Variants in VWA3B observed in about 807,000 individuals in gnomAD.
The protein encoded by VWA3B is von Willebrand factor A domain containing 3B.
VWA3B carries 138 observed loss-of-function variants against 158.3 expected under a neutral mutation model. The ratio of observed to expected loss-of-function variants is 0.87; its 90% confidence interval spans 0.76 to 1.00. The LOEUF is 1.00. VWA3B is among the 50% of genes least tolerant of loss of function. VWA3B has a pLI of 0.00. For synonymous variants in VWA3B, 596 were observed against 587.3 expected, an observed-to-expected ratio of 1.01 and a Z score of -0.21; for missense variants, 1,555 against 1,565.1, an observed-to-expected ratio of 0.99 and a Z score of 0.11.
At chr2:98,169,894 A>C (rs776833004) in intron 8 of VWA3B, among the ~76,000 whole-genome samples, 3 of 152,084 alleles carry the variant, frequency 2.0e-5, no homozygotes, top group Non-Finnish European at 2.9e-5. Context: ...TGAGGTAGGC[A>C]GATCACTTCA....
intron 9 of VWA3B, among the ~76,000 whole-genome samples, chr2:98,185,074 C>T (rs1680902040): frequency 6.6e-6 from 1 of 152,208 alleles, no homozygotes; most frequent in Non-Finnish European, 1.5e-5. Flanking sequence ...CCAACTCCAT[C>T]TCTACCACTC....
At chr2:98,179,307 G>A (rs1046717549) in intron 8 of VWA3B, 4 of 471,050 alleles carry the variant, frequency 8.5e-6, no homozygotes, top group Non-Finnish European at 1.8e-5. Context: ...ATGCTGGCTT[G>A]TCCCGCTCAG....
At chr2:98,247,007 T>G (rs1686439792) in intron 19 of VWA3B, among the ~76,000 whole-genome samples, 1 of 151,516 alleles carries the variant, frequency 6.6e-6, no homozygotes, top group South Asian at 2.1e-4. Flanking sequence ...TAATGACAAT[T>G]TTTTTTTTGA....
intron 1 of VWA3B, 115 bp from the exon 2 acceptor site, chr2:98,092,946 G>C: frequency 1.5e-6 from 1 of 647,816 alleles, no homozygotes; most frequent in Non-Finnish European, 2.5e-6. Context: ...AATTTTAATT[G>C]ATAAATAGCA....
At chr2:98,234,273 A>C (rs1685529800) in intron 16 of VWA3B, among the ~76,000 whole-genome samples, 1 of 152,220 alleles carries the variant, frequency 6.6e-6, no homozygotes, top group African/African-American at 2.4e-5. Flanking sequence ...AGAGGAATTC[A>C]ATGTGCTATT....
At chr2:98,209,094 T>C (rs979012351) in intron 12 of VWA3B, among the ~76,000 whole-genome samples, 2 of 152,196 alleles carry the variant, frequency 1.3e-5, no homozygotes, top group African/African-American at 4.8e-5. Flanking sequence ...TCATTTGAAT[T>C]GGTGCTCTTT....
chr2:98,128,397 G>A lies in VWA3B; in HGVS notation c.861G>A (p.Lys287=), dbSNP rs377181111. Residue 287 remains lysine (K), a synonymous_variant, in exon 6 of 28, where the codon AAG becomes AAA. Coordinates refer to ENST00000477737, the MANE Select transcript of VWA3B (RefSeq NM_144992.5). ...CTTTTCTAAAGGATCTGAGTGCCAA[G>A]ACCCACAGCAGGTAGGCAGAAAATG... The part of the protein sequence containing the change: ...TIAFLKDLSA[K]THSRFHAFAE... The A allele has an allele frequency of 1.4e-5, 23 of 1,613,182 alleles. No individual in the cohort carries two copies. In the African/African-American group the frequency reaches 1.9e-4, roughly 13 times the overall value.
chr2:98,173,692 C>T (rs936571491), intron 8 of VWA3B, among the ~76,000 whole-genome samples: 2 of 152,058 alleles, frequency 1.3e-5, no homozygotes, highest in African/African-American at 2.4e-5. Flanking sequence ...GAGGGCTGGG[C>T]GCCAGTGGCT....
At chr2:98,228,457 G>A (rs1685096064) in intron 15 of VWA3B, 125 bp downstream of exon 15, 1 of 1,190,900 alleles carries the variant, frequency 8.4e-7, no homozygotes, top group African/African-American at 1.5e-5. Flanking sequence ...ATCACGTAGT[G>A]TGATTAAGTT....
intron 8 of VWA3B, among the ~76,000 whole-genome samples, chr2:98,165,126 C>T (rs924719609): frequency 6.6e-6 from 1 of 152,244 alleles, no homozygotes; most frequent in Non-Finnish European, 1.5e-5. Flanking sequence ...CATGGCCTTT[C>T]CTCTGTAAGG....
chr2:98,170,587 A>T (rs1482060603), intron 8 of VWA3B, among the ~76,000 whole-genome samples: 1 of 151,354 alleles, frequency 6.6e-6, no homozygotes, highest in Admixed American at 6.6e-5. Flanking sequence ...GTGATGAAGT[A>T]CACAGACTCA....
intron 12 of VWA3B, among the ~76,000 whole-genome samples, chr2:98,203,553 A>C (rs1250320599): frequency 6.6e-6 from 1 of 152,242 alleles, no homozygotes; most frequent in South Asian, 2.1e-4. Context: ...TAATTCATCT[A>C]TTCCATGAAT....
Position 98,281,870 on chromosome 2 carries a change from C to T in VWA3B, c.3046-8641C>T, listed in dbSNP as rs141193103. Among the ~76,000 whole-genome samples the T allele has an allele frequency of 3.3e-3, 496 of 152,280 alleles. 2 individuals carry two copies. Among genetic ancestry groups the T allele is most frequent in the African/African-American group, 0.011 (462 of 41,556 alleles). The stretch of plus-strand genomic sequence containing the variant: ...GGACTTCCTCACTGAAACTGGTGGG[C>T]GGCTATTCTTGTGTGCCTGAGTCTA... On this transcript the variant is annotated intron_variant, in intron 22 of 27. Coordinates refer to ENST00000477737, the MANE Select transcript of VWA3B (RefSeq NM_144992.5).
intron 25 of VWA3B, among the ~76,000 whole-genome samples, chr2:98,300,538 A>ATCCTCC (rs199517078): frequency 2.7e-5 from 4 of 150,800 alleles, no homozygotes; most frequent in African/African-American, 7.3e-5. Context: ...TCGCGTCCTC[A>ATCCTCC]TCCTCCTCCT....
At chr2:98,300,018 T>C in intron 24 of VWA3B, 61 bp from the exon 25 acceptor site, 2 of 1,601,890 alleles carry the variant, frequency 1.2e-6, no homozygotes, top group Non-Finnish European at 1.7e-6. Context: ...AAAACTTGCT[T>C]ATGTTAACAT....
chr2:98,121,374 T>C lies in VWA3B; in HGVS notation c.618T>C (p.Ser206=), dbSNP rs1674947768. The part of the protein sequence containing the change: ...VTEQSIATAI[S]WVEKLTVELT... ...AACAGTCCATAGCTACTGCCATCAG[T>C]TGGGTTGAGAAACTGACGGTTGAGC... Residue 206 remains serine, a synonymous_variant, in exon 5 of 28, where the codon AGT becomes AGC. Coordinates refer to ENST00000477737, the MANE Select transcript of VWA3B (RefSeq NM_144992.5). The C allele has an allele frequency of 1.2e-6, 2 of 1,614,068 alleles. No individual in the cohort carries two copies. Among genetic ancestry groups the C allele is most frequent in the Middle Eastern group, 1.7e-4 (1 of 6,060 alleles).
intron 2 of VWA3B, among the ~76,000 whole-genome samples, chr2:98,101,017 G>A (rs974430286): frequency 1.3e-5 from 2 of 152,078 alleles, no homozygotes; most frequent in African/African-American, 4.8e-5. Context: ...TTTTTTAAAA[G>A]ACAAAATAAA....
intron 26 of VWA3B, among the ~76,000 whole-genome samples, chr2:98,310,202 C>T (rs910269136): frequency 2.0e-5 from 3 of 152,152 alleles, no homozygotes; most frequent in Admixed American, 2.0e-4. Flanking sequence ...TCTAAGGCAG[C>T]CTTGCTGAGA....
intron 23 of VWA3B, among the ~76,000 whole-genome samples, chr2:98,293,034 G>T (rs2105956933): frequency 6.6e-6 from 1 of 152,166 alleles, no homozygotes; most frequent in African/African-American, 2.4e-5. Context: ...TAGGGGCTTG[G>T]GGTCACTGCT....
Sources: gnomAD v4.1 joint callset for allele counts (sites outside exome capture counted in the v4.1 genomes callset) on GRCh38, gnomAD v4.1.1 for gene constraint, MANE v1.5 for transcripts, NCBI Gene and HGNC (gene_info 2026-07-23, HGNC 2026-07-21) for gene names.